The following FABP3 variants were observed in gnomAD, a reference collection of about 807,000 sequenced individuals.
FABP3 encodes the protein fatty acid binding protein 3, also known as fatty acid-binding protein, heart.
In FABP3, 8 loss-of-function variants were observed where a neutral mutation model predicts 13.4. The observed-to-expected ratio is 0.60, with a 90% CI of 0.35 to 1.07. FABP3 has a LOEUF of 1.07. FABP3 is among the 50% of genes least tolerant of loss of function. FABP3 has a pLI of 0.02. For synonymous variants in FABP3, 64 were observed against 60.0 expected (o/e 1.07, Z -0.31); for missense variants, 135 against 164.7 (o/e 0.82, Z 0.99).
rs557495128 is a variant in FABP3, at chr1:31,367,126, A to G, written c.348+267T>C. 2.0e-5 allele frequency among the ~76,000 whole-genome samples: 3 copies of G among 152,262 alleles called. No individual in the cohort carries two copies. In the East Asian group the frequency reaches 5.8e-4, roughly 29 times the overall value. On this transcript the variant is annotated intron_variant, in intron 3 of 3. Transcript: ENST00000373713. Reference sequence around the variant, plus strand: ...TTCCCAGCAGCCCTACAAGGTTGGTATTATTAATACCCGTTTTACAGTTGC... The same window carrying G: ...TTCCCAGCAGCCCTACAAGGTTGGTGTTATTAATACCCGTTTTACAGTTGC...
intron 1 of FABP3, among the ~76,000 whole-genome samples, chr1:31,370,445 C>T (rs184608815): frequency 1.4e-4 from 22 of 152,348 alleles, no homozygotes; most frequent in Admixed American, 1.4e-3. Context: ...AGTTTTCCAA[C>T]TTTGGAAGTT....
chr1:31,369,300 C>A, intron 2 of FABP3, 85 bp downstream of exon 2: 1 of 1,413,212 alleles, frequency 7.1e-7, no homozygotes, highest in African/African-American at 1.4e-5. Context: ...CCTCAGGGTG[C>A]AATACCAGGG....
Position 31,372,927 on chromosome 1 carries a change from C to T in FABP3, c.73+15G>A. ...AGTCCCCAAGCCAACATCCTGAGCC[C>T]CGCGGCTTGCTCACCGAGTGACTTC... On this transcript the variant is annotated intron_variant, in intron 1 of 3. Coordinates refer to ENST00000373713, the MANE Select transcript of FABP3 (RefSeq NM_004102.5). The T allele has an allele frequency of 6.2e-7, 1 of 1,612,058 alleles. No individual in the cohort carries two copies. Among genetic ancestry groups the T allele is most frequent in the Non-Finnish European group, 8.5e-7 (1 of 1,179,718 alleles).
chr1:31,372,349 AG>A (rs1259088771), intron 1 of FABP3, among the ~76,000 whole-genome samples: 1 of 152,090 alleles, frequency 6.6e-6, no homozygotes, highest in African/African-American at 2.4e-5. Flanking sequence ...CTGCAGGACA[AG>A]GTCAGACTGG....
At chr1:31,361,690 A>G (rs1437613813), downstream of FABP3, among the ~76,000 whole-genome samples, 1 of 152,226 alleles carries the variant, frequency 6.6e-6, no homozygotes, top group Non-Finnish European at 1.5e-5. Context: ...AACTGCGCCT[A>G]TGCGATCTGG....
At chr1:31,366,411 C>T (rs1200187161) in intron 3 of FABP3, among the ~76,000 whole-genome samples, 4 of 152,146 alleles carry the variant, frequency 2.6e-5, no homozygotes, top group Admixed American at 6.5e-5. Context: ...TCCCACTATC[C>T]GGTCTGGCAT....
chr1:31,364,338 A>T, downstream of FABP3: 1 of 1,403,220 alleles, frequency 7.1e-7, no homozygotes, highest in Non-Finnish European at 9.4e-7. Flanking sequence ...CTCATGCAAC[A>T]GGCAGGTTTG....
intron 2 of FABP3, among the ~76,000 whole-genome samples, chr1:31,367,745 G>A (rs992590281): frequency 1.3e-5 from 2 of 152,242 alleles, no homozygotes; most frequent in Non-Finnish European, 2.9e-5. Context: ...GAGGCAGGCA[G>A]TATGGTGGAG....
chr1:31,363,296 G>C (rs1639994607), downstream of FABP3, among the ~76,000 whole-genome samples: 1 of 150,138 alleles, frequency 6.7e-6, no homozygotes, highest in Admixed American at 6.7e-5. Flanking sequence ...CCATTCTCCT[G>C]TCTCAGCCTC....
At chr1:31,365,052 A>G (rs1640077107), downstream of FABP3, 1 of 152,234 alleles carries the variant, frequency 6.6e-6, no homozygotes, top group Non-Finnish European at 1.5e-5. Context: ...CCTTGGAGAG[A>G]TGCCCAGCAG....
chr1:31,366,725 C>G (rs1042080433), intron 3 of FABP3, among the ~76,000 whole-genome samples: 2 of 152,200 alleles, frequency 1.3e-5, no homozygotes, highest in African/African-American at 4.8e-5. Flanking sequence ...TTGAACAGAT[C>G]TGCCAGCCTG....
the FABP3 span, among the ~76,000 whole-genome samples, chr1:31,359,662 G>C: frequency 6.6e-6 from 1 of 152,098 alleles, no homozygotes; most frequent in Non-Finnish European, 1.5e-5. Flanking sequence ...CAGAACTATA[G>C]TGAAAATGGG....
chr1:31,372,947 G>A lies in FABP3; in HGVS notation c.68C>T (p.Ser23Leu). 1 of 1,613,408 alleles carries A rather than the reference G, an allele frequency of 6.2e-7. No homozygotes were observed. Among genetic ancestry groups the A allele is most frequent in the Non-Finnish European group, 8.5e-7 (1 of 1,180,016 alleles). ...DSKNFDDYMK[S>L]LGVGFATRQV... ...GAGCCCCGCGGCTTGCTCACCGAGT[G>A]ACTTCATGTAGTCATCGAAATTCTT... is the stretch of plus-strand genomic sequence containing the variant. The change falls in exon 1 of 4, where the codon TCA (serine) becomes TTA (leucine). Residue 23 changes from serine (S) to leucine (L), a missense_variant. Physicochemically the swap from Ser to Leu is moderately radical, Grantham distance 145. Transcript: ENST00000373713.
At chr1:31,366,689 A>G (rs1640119673) in intron 3 of FABP3, among the ~76,000 whole-genome samples, 1 of 152,208 alleles carries the variant, frequency 6.6e-6, no homozygotes, top group African/African-American at 2.4e-5. Context: ...AGTCAAGGCT[A>G]GATTCTCCAA....
At position 31,365,812 on chromosome 1, in the gene FABP3, G is replaced by A; in HGVS notation, c.*74C>T. On this transcript the variant is annotated 3_prime_UTR_variant, in exon 4 of 4. Transcript: ENST00000373713. ...TGGATTTGTACAAAATGCAGAGGAA[G>A]AAATGAGGCAATGTGGTGCTGAGTC... 1 of 1,356,764 alleles carries A rather than the reference G, an allele frequency of 7.4e-7. No homozygotes were observed. Among genetic ancestry groups the A allele is most frequent in the Non-Finnish European group, 1.1e-6 (1 of 949,770 alleles). 84.0% of individuals were successfully genotyped at this position (1,356,764 alleles called of 1,614,324 possible).
chr1:31,364,128 A>C, downstream of FABP3: 1 of 1,613,948 alleles, frequency 6.2e-7, no homozygotes, highest in Non-Finnish European at 8.5e-7. Flanking sequence ...GCACACATCA[A>C]AAGACAGCAA....
At position 31,370,483 on chromosome 1, in the gene FABP3, G is replaced by T. The variant is rs1200595739; in HGVS notation, c.74-926C>A. ...TACCCTGAAACTAAGAAGTGTTAGT[G>T]CTCTTGTCCCTTATACATGGCAACC... On this transcript the variant is annotated intron_variant, in intron 1 of 3. Coordinates refer to ENST00000373713, the MANE Select transcript of FABP3 (RefSeq NM_004102.5). 2.6e-5 allele frequency among the ~76,000 whole-genome samples: 4 copies of T among 152,180 alleles called. No homozygotes were observed. The East Asian group carries it at 5.8e-4, about 22-fold the overall frequency.
chr1:31,364,000 T>G, downstream of FABP3: 1 of 1,607,640 alleles, frequency 6.2e-7, no homozygotes, highest in Non-Finnish European at 8.5e-7. Context: ...AATATACACA[T>G]ACAGTGTTGA....
chr1:31,363,219 T>C (rs1309878612), downstream of FABP3, among the ~76,000 whole-genome samples: 7 of 150,990 alleles, frequency 4.6e-5, no homozygotes, highest in African/African-American at 1.7e-4. Flanking sequence ...AGTCTCGCTC[T>C]GTCGCCAAGG....
Sources: gnomAD v4.1 joint callset for allele counts (sites outside exome capture counted in the v4.1 genomes callset) on GRCh38, gnomAD v4.1.1 for gene constraint, MANE v1.5 for transcripts, NCBI Gene and HGNC (gene_info 2026-07-23, HGNC 2026-07-21) for gene names.